Variants in LYN observed in about 807,000 individuals in gnomAD.
LYN encodes LYN proto-oncogene, Src family tyrosine kinase, also known as tyrosine-protein kinase Lyn.
In LYN, 12 loss-of-function variants were observed where a neutral mutation model predicts 65.0. The ratio of observed to expected loss-of-function variants is 0.18; its 90% CI spans 0.12 to 0.30. The LOEUF (loss-of-function observed/expected upper bound fraction) is 0.30, where lower values mean the gene tolerates loss of function less well. Among genes scored for constraint, LYN ranks in the 10% least tolerant of loss-of-function variants. The probability of loss-of-function intolerance (pLI) is 1.00; values close to 1 mark genes in which losing one functional copy is unlikely to be tolerated. For synonymous variants in LYN, 222 were observed against 221.2 expected (o/e 1.00, Z -0.03); for missense variants, 380 against 623.2 (o/e 0.61, Z 4.16).
At chr8:55,919,908 C>T (rs1160957857) in intron 1 of LYN, among the ~76,000 whole-genome samples, 3 of 88,524 alleles carry the variant, frequency 3.4e-5, no homozygotes, top group East Asian at 3.4e-4. Context: ...AAGGGTTGGG[C>T]GGGGGGAGTG....
chr8:56,002,426 T>TAAA lies in LYN; in HGVS notation c.1336+2886_1336+2888dup, dbSNP rs200330287. The stretch of plus-strand genomic sequence containing the variant: ...AGAGCGAGACTCCATCTTAAAAAAA[T>TAAA]AAAAAAAAAAAGAATAAAATAAAAT... On this transcript the variant is annotated intron_variant, in intron 12 of 12. Coordinates refer to ENST00000519728, the MANE Select transcript of LYN (RefSeq NM_002350.4). 1.2e-3 allele frequency among the ~76,000 whole-genome samples: 164 copies of TAAA among 135,966 alleles called. 1 individual carries two copies. Among genetic ancestry groups the TAAA allele is most frequent in the African/African-American group, 4.2e-3 (158 of 37,658 alleles). 89.2% of individuals were successfully genotyped at this position (135,966 alleles called of 152,430 possible).
intron 1 of LYN, among the ~76,000 whole-genome samples, chr8:55,900,634 G>A (rs143333130): frequency 1.3e-5 from 2 of 151,550 alleles, no homozygotes; most frequent in East Asian, 3.9e-4. Flanking sequence ...TCCAGTCTTG[G>A]CCTCCCAAAG....
intron 1 of LYN, among the ~76,000 whole-genome samples, chr8:55,880,879 C>A (rs1267206984): frequency 6.6e-6 from 1 of 152,168 alleles, no homozygotes; most frequent in Non-Finnish European, 1.5e-5. Context: ...CTTTTGCTTG[C>A]GGTGCATTCG....
chr8:55,990,543 G>A (rs961198742), intron 10 of LYN, among the ~76,000 whole-genome samples: 7 of 152,258 alleles, frequency 4.6e-5, no homozygotes, highest in African/African-American at 1.2e-4. Context: ...TTGCAGGGCC[G>A]TTTCAAAATT....
intron 7 of LYN, 131 bp downstream of exon 7, chr8:55,952,246 C>A: frequency 1.4e-6 from 1 of 701,284 alleles, no homozygotes; most frequent in Non-Finnish European, 2.2e-6. Flanking sequence ...AGGTCATATT[C>A]TATAAGTGGT....
chr8:55,885,172 C>T (rs1195546429), intron 1 of LYN, among the ~76,000 whole-genome samples: 1 of 152,192 alleles, frequency 6.6e-6, no homozygotes, highest in African/African-American at 2.4e-5. Flanking sequence ...GCTCAGTGTT[C>T]AGAATGCTGC....
At chr8:55,911,283 ATATT>A (rs1407896533) in intron 1 of LYN, among the ~76,000 whole-genome samples, 12 of 45,342 alleles carry the variant, frequency 2.6e-4, no homozygotes, top group African/African-American at 1.4e-3. Flanking sequence ...ATATATATAT[ATATT>A]TTTTTTTTTT....
At chr8:55,951,494 G>A (rs1806946859) in intron 6 of LYN, among the ~76,000 whole-genome samples, 1 of 152,014 alleles carries the variant, frequency 6.6e-6, no homozygotes, top group South Asian at 2.1e-4. Flanking sequence ...GCAAGAGCCT[G>A]TTTCTATAAG....
In LYN at chr8:55,992,678, T is replaced by C. The variant is rs571346960; in HGVS notation, c.1051-5668T>C. ...TTGCAATCCTAAAATAGCTTAAGCT[T>C]TCAAGCCTATGATCTAGTGCTCTGC... On this transcript the variant is annotated intron_variant, in intron 10 of 12. Transcript: ENST00000519728. Among the ~76,000 whole-genome samples the C allele has an allele frequency of 1.4e-4, 22 of 152,296 alleles. No homozygotes were observed. The South Asian group carries it at 4.6e-3, about 32-fold the overall frequency.
At chr8:55,929,576 T>C (rs920748624) in intron 1 of LYN, among the ~76,000 whole-genome samples, 2 of 152,206 alleles carry the variant, frequency 1.3e-5, no homozygotes, top group African/African-American at 2.4e-5. Flanking sequence ...TACCAGCAAT[T>C]AAAACATCAG....
intron 10 of LYN, among the ~76,000 whole-genome samples, chr8:55,982,936 ACCGCCCCT>A (rs1224617767): frequency 6.6e-6 from 1 of 150,974 alleles, no homozygotes; most frequent in African/African-American, 2.4e-5. Flanking sequence ...GCCTGTCCCT[ACCGCCCCT>A]CCGCTCCTGC....
chr8:55,911,280 TA>T lies in LYN; in HGVS notation c.-5-30574del, dbSNP rs1563506802. ...GTGTATATATATATATATATATATA[TA>T]TATATTTTTTTTTTTTTTTTAGTAG... On this transcript the variant is annotated intron_variant, in intron 1 of 12. Transcript: ENST00000519728. Among the ~76,000 whole-genome samples the T allele has an allele frequency of 4.3e-3, 210 of 48,322 alleles. 21 individuals are homozygous for T. Among genetic ancestry groups the T allele is most frequent in the African/African-American group, 0.012 (131 of 11,080 alleles). The allele number at this position is 48,322 out of a possible 152,430, so 31.7% of individuals were successfully genotyped here. A position where few individuals can be genotyped will look rare whatever the true frequency, so the allele number is the denominator to read the frequency against.
chr8:55,947,666 G>T lies in LYN; in HGVS notation c.227G>T (p.Gly76Val). 1 of 1,613,972 alleles carries T rather than the reference G, an allele frequency of 6.2e-7. No homozygotes were observed. Among genetic ancestry groups the T allele is most frequent in the South Asian group, 1.1e-5 (1 of 91,084 alleles). ...DIVVALYPYD[G>V]IHPDDLSFKK... ...GTGGTAGCCTTGTACCCCTATGATG[G>T]CATCCACCCGGACGACTTGTCTTTC... The change falls in exon 4 of 13, where the codon GGC (glycine) becomes GTC (valine). Residue 76 changes from glycine to valine, a missense_variant. Transcript: ENST00000519728.
At chr8:55,982,617 C>G (rs963185890) in intron 10 of LYN, among the ~76,000 whole-genome samples, 1 of 152,150 alleles carries the variant, frequency 6.6e-6, no homozygotes. Flanking sequence ...CTCGGATCCC[C>G]GAACACTCCT....
Position 55,983,950 on chromosome 8 carries a change from G to A in LYN, c.1050+14157G>A, listed in dbSNP as rs761195925. On this transcript the variant is annotated intron_variant, in intron 10 of 12. Transcript: ENST00000519728. ...GCCAGAAGTCTGGAATGAAGGTATA[G>A]GCAGGGCTGTGCTTCCAGGTTCTTG... is the stretch of plus-strand genomic sequence containing the variant. Among the ~76,000 whole-genome samples, 20 of 152,180 alleles carry A rather than the reference G, an allele frequency of 1.3e-4. 1 individual carries two copies. The highest frequency in any genetic ancestry group is 1.3e-4 in the Non-Finnish European group (9 of 68,036).
chr8:55,952,503 T>C (rs921645701), intron 7 of LYN, among the ~76,000 whole-genome samples: 4 of 152,174 alleles, frequency 2.6e-5, no homozygotes, highest in Admixed American at 2.6e-4. Context: ...GAGATTGCAG[T>C]GAGCTGAGAT....
intron 10 of LYN, among the ~76,000 whole-genome samples, chr8:55,970,369 A>C (rs1270496728): frequency 6.6e-6 from 1 of 152,186 alleles, no homozygotes; most frequent in Non-Finnish European, 1.5e-5. Flanking sequence ...AGTGTATTTA[A>C]GAGCAGAAGC....
rs187254581 is a variant in LYN, at chr8:55,895,656, G to C, written c.-6+15553G>C. ...TTTTTTTTAAAGGAATTGGCTTCTAGTCAATGCTTTGTCAAATACCAGTCT... is the reference window on the plus strand; with the variant it reads ...TTTTTTTTAAAGGAATTGGCTTCTACTCAATGCTTTGTCAAATACCAGTCT... On this transcript the variant is annotated intron_variant, in intron 1 of 12. Transcript: ENST00000519728. 1.2e-4 allele frequency: 19 copies of C among 152,194 alleles called. No homozygotes were observed. The East Asian group carries it at 1.9e-3, about 15-fold the overall frequency. The allele number at this position is 152,194 out of a possible 1,614,324, so 9.4% of individuals were successfully genotyped here. A position where few individuals can be genotyped will look rare whatever the true frequency, so the allele number is the denominator to read the frequency against.
At chr8:55,952,726 A>G (rs1806986577) in intron 7 of LYN, among the ~76,000 whole-genome samples, 1 of 152,202 alleles carries the variant, frequency 6.6e-6, no homozygotes, top group Non-Finnish European at 1.5e-5. Flanking sequence ...GTCTTTGCAT[A>G]TATTTTTACA....
Sources: gnomAD v4.1 joint callset for allele counts (sites outside exome capture counted in the v4.1 genomes callset) on GRCh38, gnomAD v4.1.1 for gene constraint, MANE v1.5 for transcripts, NCBI Gene and HGNC (gene_info 2026-07-23, HGNC 2026-07-21) for gene names.